RAB30: variants seen among roughly 807,000 people sequenced by gnomAD.
RAB30 encodes RAB30, member RAS oncogene family, also known as ras-related protein Rab-30.
RAB30 carries 9 observed loss-of-function variants against 25.1 expected under a neutral mutation model. The observed-to-expected ratio is 0.36, with a 90% CI of 0.22 to 0.63. The LOEUF is 0.63. RAB30 is among the 20% of genes least tolerant of loss of function. The pLI, the probability that RAB30 is intolerant of heterozygous loss-of-function variation, is 0.69. For synonymous variants in RAB30, 77 were observed against 86.4 expected, an observed-to-expected ratio of 0.89 and a Z score of 0.60; for missense variants, 140 against 243.5, an observed-to-expected ratio of 0.58 and a Z score of 2.83.
intron 1 of RAB30, among the ~76,000 whole-genome samples, chr11:83,053,928 A>C (rs1858405972): frequency 6.6e-6 from 1 of 152,174 alleles, no homozygotes; most frequent in African/African-American, 2.4e-5. Context: ...CGTCTCTACT[A>C]AAAATACAAA....
intron 1 of RAB30, among the ~76,000 whole-genome samples, chr11:83,042,826 C>G (rs371931326): frequency 1.4e-4 from 22 of 152,034 alleles, no homozygotes; most frequent in African/African-American, 5.3e-4. Context: ...GAAAACAGAT[C>G]TGGAATCTTA....
At chr11:82,988,265 T>C (rs1161918914) in intron 3 of RAB30, among the ~76,000 whole-genome samples, 1 of 152,150 alleles carries the variant, frequency 6.6e-6, no homozygotes, top group Non-Finnish European at 1.5e-5. Flanking sequence ...CAACCAGGCA[T>C]TGTGGTCCCA....
intron 1 of RAB30, among the ~76,000 whole-genome samples, chr11:83,052,176 G>A (rs11822105): frequency 0.14 from 21,687 of 152,072 alleles, 1,657 homozygotes; most frequent in Middle Eastern, 0.23. Flanking sequence ...ACAAGCTCTG[G>A]CATCTGTAAA....
At chr11:83,065,769 C>G (rs1422209225) in intron 1 of RAB30, among the ~76,000 whole-genome samples, 1 of 152,096 alleles carries the variant, frequency 6.6e-6, no homozygotes, top group African/African-American at 2.4e-5. Flanking sequence ...CCAGCTATAC[C>G]AAGCATAGTG....
intron 1 of RAB30, among the ~76,000 whole-genome samples, chr11:83,070,824 C>G (rs967658021): frequency 1.3e-5 from 2 of 152,212 alleles, no homozygotes; most frequent in African/African-American, 4.8e-5. Context: ...TTCCCTTTCT[C>G]TAATGTGTTA....
Position 83,033,251 on chromosome 11 carries a change from G to T in RAB30, c.-8-35927C>A, listed in dbSNP as rs537348843. ...AGCTAATTTTTGTATTTTTAGTAGA[G>T]ACGGGGGTTTCACCATGTTGGTCAG... On this transcript the variant is annotated intron_variant, in intron 1 of 4. Transcript: ENST00000527633. Among the ~76,000 whole-genome samples the T allele has an allele frequency of 2.6e-5, 4 of 151,656 alleles. No individual in the cohort carries two copies. The South Asian group carries it at 8.4e-4, about 32-fold the overall frequency.
At position 82,997,266 on chromosome 11, in the gene RAB30, G is replaced by A. The variant is rs570829779; in HGVS notation, c.51C>T (p.Asn17=). The change falls in exon 2 of 5, where the codon AAC becomes AAT. Residue 17 remains asparagine, a synonymous_variant. Coordinates refer to ENST00000527633, the MANE Select transcript of RAB30 (RefSeq NM_001286060.2). ...DFLFKIVLIG[N]AGVGKTCLVR... ...CGAGGCACGTCTTCCCCACACCAGCGTTGCCAATTAAAACAATTTTGAACA... is the reference window on the plus strand; with the variant it reads ...CGAGGCACGTCTTCCCCACACCAGCATTGCCAATTAAAACAATTTTGAACA... 37 of 1,612,958 alleles carry A rather than the reference G, an allele frequency of 2.3e-5. No individual in the cohort carries two copies. Among genetic ancestry groups the A allele is most frequent in the African/African-American group, 5.3e-5 (4 of 74,990 alleles).
At chr11:83,064,466 T>C (rs559256015) in intron 1 of RAB30, among the ~76,000 whole-genome samples, 200 of 151,426 alleles carry the variant, frequency 1.3e-3, no homozygotes, top group Admixed American at 3.2e-3. Context: ...TAGGTACCTT[T>C]TCCCTTCGAT....
intron 4 of RAB30, among the ~76,000 whole-genome samples, chr11:82,984,488 C>T (rs138654626): frequency 2.0e-5 from 3 of 152,188 alleles, no homozygotes; most frequent in African/African-American, 7.2e-5. Flanking sequence ...AGAGGGTTGC[C>T]GGATGCTGAT....
At chr11:83,032,040 A>G (rs1166360599) in intron 1 of RAB30, among the ~76,000 whole-genome samples, 1 of 152,110 alleles carries the variant, frequency 6.6e-6, no homozygotes, top group Non-Finnish European at 1.5e-5. Context: ...GAAAGACTGG[A>G]AGTAGAAAAG....
In RAB30 at chr11:83,003,665, C is replaced by T. The variant is rs189419721; in HGVS notation, c.-8-6341G>A. ...CAAACTCCCAGCCTCAGGTGATCCA[C>T]GCACCTCAGCCTCCCAAAGTGCTGG... On this transcript the variant is annotated intron_variant, in intron 1 of 4. Transcript: ENST00000527633. Among the ~76,000 whole-genome samples the T allele has an allele frequency of 4.3e-4, 66 of 152,274 alleles. No individual in the cohort carries two copies. In the East Asian group the frequency reaches 8.3e-3, roughly 19 times the overall value.
At chr11:83,016,937 G>T (rs567040528) in intron 1 of RAB30, among the ~76,000 whole-genome samples, 2 of 152,310 alleles carry the variant, frequency 1.3e-5, no homozygotes, top group African/African-American at 4.8e-5. Flanking sequence ...ACCCTCAATG[G>T]TTGCCCTTTC....
At chr11:82,994,377 G>A (rs925358847) in intron 2 of RAB30, among the ~76,000 whole-genome samples, 1 of 152,114 alleles carries the variant, frequency 6.6e-6, no homozygotes, top group Non-Finnish European at 1.5e-5. Flanking sequence ...ACAGAGAAAA[G>A]GAGATAAAGA....
At chr11:83,030,967 C>T (rs1211716881) in intron 1 of RAB30, among the ~76,000 whole-genome samples, 1 of 152,186 alleles carries the variant, frequency 6.6e-6, no homozygotes, top group African/African-American at 2.4e-5. Context: ...AGGGTGGGCC[C>T]TAATCCAATC....
chr11:83,020,128 C>T (rs1857534740), intron 1 of RAB30, among the ~76,000 whole-genome samples: 1 of 152,156 alleles, frequency 6.6e-6, no homozygotes, highest in Admixed American at 6.5e-5. Context: ...AGACCCAGGC[C>T]TCCCACTCCA....
At chr11:83,004,973 C>T (rs570472587) in intron 1 of RAB30, among the ~76,000 whole-genome samples, 1 of 152,304 alleles carries the variant, frequency 6.6e-6, no homozygotes, top group South Asian at 2.1e-4. Flanking sequence ...ACTTGCTTTA[C>T]ATCAGCTGCT....
chr11:83,014,564 A>G (rs1391434999), intron 1 of RAB30, among the ~76,000 whole-genome samples: 1 of 151,574 alleles, frequency 6.6e-6, no homozygotes, highest in Non-Finnish European at 1.5e-5. Context: ...GGAAAGAGAG[A>G]CAGGGGGAGA....
chr11:83,021,715 C>A (rs1252388277), intron 1 of RAB30, among the ~76,000 whole-genome samples: 1 of 152,194 alleles, frequency 6.6e-6, no homozygotes, highest in African/African-American at 2.4e-5. Context: ...CTGAGCAAAA[C>A]TAGGGCAAAG....
chr11:83,050,543 T>C (rs1405960740), intron 1 of RAB30, among the ~76,000 whole-genome samples: 1 of 152,234 alleles, frequency 6.6e-6, no homozygotes, highest in Non-Finnish European at 1.5e-5. Context: ...ATTTGTTTTA[T>C]TCATTGTTAC....
Sources: allele counts gnomAD v4.1 joint callset (sites outside exome capture counted in the v4.1 genomes callset), GRCh38; gene constraint gnomAD v4.1.1; transcripts MANE v1.5; gene names NCBI Gene and HGNC (gene_info 2026-07-23, HGNC 2026-07-21).